The following ERLEC1 variants were observed in gnomAD, a reference collection of about 807,000 sequenced individuals.
ERLEC1 encodes the protein endoplasmic reticulum lectin 1.
Under a neutral mutation model 68.0 loss-of-function variants are expected in ERLEC1, and 47 were observed. The ratio of observed to expected loss-of-function variants is 0.69; its 90% confidence interval spans 0.55 to 0.88. ERLEC1 has a LOEUF of 0.88. Ranked by LOEUF, ERLEC1 falls within the 40% of genes least tolerant of loss-of-function variation. ERLEC1 has a pLI of 0.00. For synonymous variants in ERLEC1, 225 were observed against 203.2 expected (o/e 1.11, Z -0.91); for missense variants, 567 against 583.8 (o/e 0.97, Z 0.30).
Position 53,814,555 on chromosome 2 carries a change from T to G in ERLEC1, c.1239T>G (p.His413Gln). 6.2e-7 allele frequency: 1 copy of G among 1,610,596 alleles called. No individual in the cohort carries two copies. The highest frequency in any genetic ancestry group is 8.5e-7 in the Non-Finnish European group (1 of 1,177,898). ...DGTQTVRMVS[H>Q]FYGNGDICDI... ...TTCTCTGATTCAGGATGGTGTCACA[T>G]TTTTATGGAAATGGAGATATTTGTG... is the stretch of plus-strand genomic sequence containing the variant. Residue 413 changes from histidine (H) to glutamine (Q), a missense_variant, in exon 12 of 14, where the codon CAT (histidine) becomes CAG (glutamine). Coordinates refer to ENST00000185150, the MANE Select transcript of ERLEC1 (RefSeq NM_015701.5).
intron 1 of ERLEC1, among the ~76,000 whole-genome samples, chr2:53,791,986 T>A (rs1347730146): frequency 6.8e-6 from 1 of 147,808 alleles, no homozygotes; most frequent in African/African-American, 2.5e-5. Context: ...GTCTCAGCTC[T>A]CTGCAAGCTC....
At chr2:53,791,789 T>A (rs566054276) in intron 1 of ERLEC1, among the ~76,000 whole-genome samples, 3 of 151,862 alleles carry the variant, frequency 2.0e-5, no homozygotes, top group Non-Finnish European at 4.4e-5. Flanking sequence ...TTATGTCTCA[T>A]AGCAAATCGT....
Position 53,817,894 on chromosome 2 carries a change from T to C in ERLEC1, c.1381-4T>C. ...TTTTTAATGGCTTTGTTGTTCTTCT[T>C]TAGGTTGAATCTCCAGTGATCTGTA... On this transcript the variant is annotated splice_polypyrimidine_tract_variant and splice_region_variant and intron_variant, in intron 13 of 13. Transcript: ENST00000185150. 1.9e-6 allele frequency: 3 copies of C among 1,598,390 alleles called. No homozygotes were observed. The highest frequency in any genetic ancestry group is 2.6e-6 in the Non-Finnish European group (3 of 1,166,196).
chr2:53,789,692 C>T (rs974896830), intron 1 of ERLEC1, among the ~76,000 whole-genome samples: 1 of 151,850 alleles, frequency 6.6e-6, no homozygotes, highest in Admixed American at 6.6e-5. Context: ...TTTTTTAATA[C>T]TTCTATAACC....
chr2:53,810,439 C>T (rs1022878060), intron 10 of ERLEC1, among the ~76,000 whole-genome samples: 15 of 152,152 alleles, frequency 9.9e-5, no homozygotes, highest in African/African-American at 3.4e-4. Flanking sequence ...CTTGAGCCAG[C>T]CTGCTTAAAT....
At chr2:53,802,031 A>C (rs892094936) in intron 8 of ERLEC1, among the ~76,000 whole-genome samples, 189 bp downstream of exon 8, 9 of 152,136 alleles carry the variant, frequency 5.9e-5, no homozygotes, top group African/African-American at 2.2e-4. Context: ...AACTATTTTA[A>C]TATTCTCTTA....
intron 13 of ERLEC1, 50 bp downstream of exon 13, chr2:53,814,985 A>ATT (rs747443760): frequency 1.3e-4 from 125 of 967,206 alleles, no homozygotes; most frequent in Admixed American, 7.4e-4. Flanking sequence ...CCATGTTTTA[A>ATT]TTTTTTTTTC....
At chr2:53,793,895 G>T (rs534327971) in intron 1 of ERLEC1, among the ~76,000 whole-genome samples, 101 of 152,258 alleles carry the variant, frequency 6.6e-4, no homozygotes, top group Admixed American at 3.5e-3. Flanking sequence ...CCACATGGAT[G>T]CAGCTTGGAG....
At chr2:53,793,014 A>G (rs923968866) in intron 1 of ERLEC1, among the ~76,000 whole-genome samples, 1 of 152,050 alleles carries the variant, frequency 6.6e-6, no homozygotes, top group African/African-American at 2.4e-5. Context: ...TCAAAAAAAA[A>G]AAAAAAGTTA....
In ERLEC1 at chr2:53,791,336, G is replaced by A. The variant is rs539006890; in HGVS notation, c.163-3009G>A. 1.1e-4 allele frequency among the ~76,000 whole-genome samples: 17 copies of A among 152,176 alleles called. No individual in the cohort carries two copies. The South Asian group carries it at 3.5e-3, about 32-fold the overall frequency. On this transcript the variant is annotated intron_variant, in intron 1 of 13. Coordinates refer to ENST00000185150, the MANE Select transcript of ERLEC1 (RefSeq NM_015701.5). Reference sequence around the variant, plus strand: ...ATAAAATTTGACTTTGTGTCAAATCGCTAATTTCCTCTTCCACTGAAAATA... The same window carrying A: ...ATAAAATTTGACTTTGTGTCAAATCACTAATTTCCTCTTCCACTGAAAATA...
chr2:53,794,252 T>A (rs944205326), intron 1 of ERLEC1, 93 bp from the exon 2 acceptor site: 2 of 549,242 alleles, frequency 3.6e-6, no homozygotes, highest in Non-Finnish European at 6.4e-6. Flanking sequence ...GTTAAATTAG[T>A]TTAAAGAATC....
chr2:53,808,246 A>C, intron 8 of ERLEC1, 53 bp from the exon 9 acceptor site: 1 of 1,562,898 alleles, frequency 6.4e-7, no homozygotes, highest in Non-Finnish European at 8.6e-7. Context: ...CATAACTGAA[A>C]AAAGAAATTA....
At chr2:53,797,441 T>A (rs970664826) in intron 3 of ERLEC1, 74 bp from the exon 4 acceptor site, 1 of 1,092,792 alleles carries the variant, frequency 9.2e-7, no homozygotes, top group African/African-American at 1.6e-5. Flanking sequence ...AAGTCTCAGC[T>A]GCTTCAAATA....
chr2:53,801,413 T>A lies in ERLEC1; in HGVS notation c.542T>A (p.Ile181Asn). The change falls in exon 7 of 14, where the codon ATC (isoleucine) becomes AAC (asparagine). Residue 181 changes from isoleucine (I) to asparagine (N), a missense_variant. Physicochemically the swap from Ile to Asn is moderately radical, Grantham distance 149 (BLOSUM62 -3). Coordinates refer to ENST00000185150, the MANE Select transcript of ERLEC1 (RefSeq NM_015701.5). ...EKSNEIPTKN[I>N]EGQMTPYYPV... ...TTTTTTAAGATTCCCACTAAAAATA[T>A]CGAAGGTCAGATGACACCATACTAT... The A allele has an allele frequency of 6.2e-7, 1 of 1,613,590 alleles. No individual in the cohort carries two copies.
At chr2:53,788,194 AT>A (rs1353025345) in intron 1 of ERLEC1, among the ~76,000 whole-genome samples, 1 of 152,124 alleles carries the variant, frequency 6.6e-6, no homozygotes, top group African/African-American at 2.4e-5. Flanking sequence ...AAAAAGCAAA[AT>A]TTTTTTAAAC....
intron 11 of ERLEC1, 50 bp from the exon 12 acceptor site, chr2:53,814,493 C>G: frequency 7.5e-7 from 1 of 1,336,938 alleles, no homozygotes; most frequent in South Asian, 1.2e-5. Context: ...TACAATTATT[C>G]TATTAGTGAG....
At chr2:53,817,370 C>T (rs77512614) in intron 13 of ERLEC1, among the ~76,000 whole-genome samples, 3 of 151,982 alleles carry the variant, frequency 2.0e-5, no homozygotes, top group Non-Finnish European at 4.4e-5. Context: ...TCTGCCCTCA[C>T]GATCCGCCCG....
intron 4 of ERLEC1, 35 bp downstream of exon 4, chr2:53,797,627 T>C (rs1476673287): frequency 6.3e-7 from 1 of 1,579,758 alleles, no homozygotes. Flanking sequence ...TATGAAACAT[T>C]ATAAGATGAG....
intron 4 of ERLEC1, 62 bp from the exon 5 acceptor site, chr2:53,797,670 T>C: frequency 6.4e-7 from 1 of 1,563,904 alleles, no homozygotes; most frequent in Non-Finnish European, 8.8e-7. Context: ...GTTTTAAAGT[T>C]GTATCCTTAA....
Sources: allele counts gnomAD v4.1 joint callset (sites outside exome capture counted in the v4.1 genomes callset), GRCh38; gene constraint gnomAD v4.1.1; transcripts MANE v1.5; gene names NCBI Gene and HGNC (gene_info 2026-07-23, HGNC 2026-07-21).